AMN1: variants seen among roughly 807,000 people sequenced by gnomAD.
The protein encoded by AMN1 is antagonist of mitotic exit network 1 homolog.
Under a neutral mutation model 33.0 loss-of-function variants are expected in AMN1, and 20 were observed. The ratio of observed to expected loss-of-function variants is 0.61; its 90% CI spans 0.43 to 0.88. AMN1 has a LOEUF of 0.88. Ranked by LOEUF, AMN1 falls within the 40% of genes least tolerant of loss-of-function variation. The pLI is 0.00. For missense variants in AMN1, 246 were observed against 307.4 expected (o/e 0.80, Z 1.49); for synonymous variants, 114 against 111.9 (o/e 1.02, Z -0.12).
chr12:31,691,447 G>A (rs1938495908), intron 5 of AMN1, among the ~76,000 whole-genome samples: 1 of 151,674 alleles, frequency 6.6e-6, no homozygotes, highest in Non-Finnish European at 1.5e-5. Context: ...AACTTTTTAG[G>A]GTGATGAAAA....
chr12:31,692,822 T>G (rs991650314), intron 5 of AMN1, among the ~76,000 whole-genome samples: 4 of 152,148 alleles, frequency 2.6e-5, no homozygotes, highest in Non-Finnish European at 4.4e-5. Context: ...TAAATGAAAT[T>G]TTATACAGCA....
intron 1 of AMN1, among the ~76,000 whole-genome samples, chr12:31,727,330 C>A (rs943178771): frequency 1.3e-5 from 2 of 152,162 alleles, no homozygotes; most frequent in African/African-American, 4.8e-5. Context: ...CAACTTCTGC[C>A]TAATTCAAAT....
intron 1 of AMN1, among the ~76,000 whole-genome samples, chr12:31,721,210 A>G (rs189489046): frequency 5.3e-5 from 8 of 152,316 alleles, no homozygotes; most frequent in South Asian, 2.1e-4. Context: ...CGAAATTATC[A>G]AGGACCGTGG....
chr12:31,707,788 A>G (rs1366262415), intron 2 of AMN1, among the ~76,000 whole-genome samples: 4 of 152,192 alleles, frequency 2.6e-5, no homozygotes, highest in African/African-American at 9.6e-5. Context: ...CAATGGTAGA[A>G]GATGTTTTAG....
intron 2 of AMN1, among the ~76,000 whole-genome samples, chr12:31,707,033 T>C (rs372326945): frequency 1.3e-5 from 2 of 151,916 alleles, no homozygotes; most frequent in Non-Finnish European, 1.5e-5. Context: ...AAAAGGTGAA[T>C]TGGAAATATT....
chr12:31,684,850 A>G (rs1227876415), intron 6 of AMN1, among the ~76,000 whole-genome samples: 1 of 152,156 alleles, frequency 6.6e-6, no homozygotes, highest in African/African-American at 2.4e-5. Context: ...TATTATTTCA[A>G]TTACTGAAAC....
chr12:31,714,092 G>C (rs1939576731), intron 1 of AMN1, among the ~76,000 whole-genome samples: 2 of 151,992 alleles, frequency 1.3e-5, no homozygotes, highest in African/African-American at 4.8e-5. Flanking sequence ...AGCATGGAAA[G>C]CTTTTTTAAT....
chr12:31,677,436 TTTACA>T (rs1434284233), intron 6 of AMN1, among the ~76,000 whole-genome samples: 1 of 152,218 alleles, frequency 6.6e-6, no homozygotes, highest in Non-Finnish European at 1.5e-5. Flanking sequence ...GTTAAGCCAC[TTTACA>T]TTAAAGGCTC....
At chr12:31,713,888 C>G (rs1444167168) in intron 1 of AMN1, among the ~76,000 whole-genome samples, 2 of 151,994 alleles carry the variant, frequency 1.3e-5, no homozygotes, top group East Asian at 3.9e-4. Context: ...ATTAAAGCCA[C>G]TTTTATATAC....
intron 3 of AMN1, among the ~76,000 whole-genome samples, chr12:31,701,289 G>A (rs948592906): frequency 6.6e-6 from 1 of 151,758 alleles, no homozygotes; most frequent in Admixed American, 6.6e-5. Context: ...ATGAGCCACC[G>A]CACCTGGCCC....
chr12:31,700,153 TAA>T (rs751705879), intron 3 of AMN1, among the ~76,000 whole-genome samples: 21 of 133,650 alleles, frequency 1.6e-4, no homozygotes, highest in Non-Finnish European at 1.6e-4. Flanking sequence ...TTCTTATATT[TAA>T]AAAAAAAAAA....
At chr12:31,698,853 G>A (rs914329895) in intron 3 of AMN1, among the ~76,000 whole-genome samples, 9 of 151,920 alleles carry the variant, frequency 5.9e-5, no homozygotes, top group African/African-American at 1.5e-4. Flanking sequence ...ACAGAGCTCC[G>A]AAAAGCCTTA....
chr12:31,701,406 G>C lies in AMN1; in HGVS notation c.316+457C>G, dbSNP rs79948393. ...TACCTCCCAGGCTCAAGGGATTCTC[G>C]TGCCTCCACCTCCTAAGTAGCTGGG... On this transcript the variant is annotated intron_variant, in intron 3 of 6. Coordinates refer to ENST00000281471, the MANE Select transcript of AMN1 (RefSeq NM_001113402.2). 8.4e-3 allele frequency among the ~76,000 whole-genome samples: 1,272 copies of C among 151,318 alleles called. 17 individuals carry two copies. The highest frequency in any genetic ancestry group is 0.029 in the African/African-American group (1,200 of 41,232).
At chr12:31,706,724 G>T (rs1939257234) in intron 2 of AMN1, among the ~76,000 whole-genome samples, 1 of 152,116 alleles carries the variant, frequency 6.6e-6, no homozygotes, top group African/African-American at 2.4e-5. Flanking sequence ...GGGGCTCTCT[G>T]CCTTGGAGCT....
At chr12:31,681,714 T>C (rs766177022) in intron 6 of AMN1, among the ~76,000 whole-genome samples, 1 of 152,206 alleles carries the variant, frequency 6.6e-6, no homozygotes, top group Non-Finnish European at 1.5e-5. Context: ...CTATTATTAT[T>C]TTATTAGACA....
At chr12:31,679,849 G>T (rs1280082757) in intron 6 of AMN1, among the ~76,000 whole-genome samples, 2 of 152,104 alleles carry the variant, frequency 1.3e-5, no homozygotes, top group African/African-American at 2.4e-5. Flanking sequence ...TTTAGGACAG[G>T]CTTGGTGGCT....
chr12:31,701,855 AAAC>A lies in AMN1; in HGVS notation c.316+5_316+7del, dbSNP rs1487215928. The A allele has an allele frequency of 6.3e-7, 1 of 1,593,210 alleles. No individual in the cohort carries two copies. The highest frequency in any genetic ancestry group is 1.9e-5 in the Admixed American group (1 of 53,176). On this transcript the variant is annotated splice_donor_5th_base_variant and intron_variant, in intron 3 of 6. Coordinates refer to ENST00000281471, the MANE Select transcript of AMN1 (RefSeq NM_001113402.2). ...ATCTACCAATGTACTCAGTGTTAAT[AAAC>A]ATACCTTCTGAAGTTACAGAAACTC...
At position 31,692,463 on chromosome 12, in the gene AMN1, AC is replaced by A. The variant is rs576750540; in HGVS notation, c.592-3346del. ...TGAGACTCTGTCTCAAAAAAAAAAA[AC>A]AAACGAAAAAAAACATATTAAATTA... On this transcript the variant is annotated intron_variant, in intron 5 of 6. Transcript: ENST00000281471. Among the ~76,000 whole-genome samples, 851 of 145,850 alleles carry A rather than the reference AC, an allele frequency of 5.8e-3. 7 individuals are homozygous for A. The highest frequency in any genetic ancestry group is 0.02 in the African/African-American group (796 of 39,882).
intron 2 of AMN1, among the ~76,000 whole-genome samples, chr12:31,702,869 TGG>T (rs35809598): frequency 2.0e-4 from 30 of 152,184 alleles, no homozygotes; most frequent in Admixed American, 2.0e-3. Flanking sequence ...TCCCAGTAGC[TGG>T]GATTACAGGC....
Sources: allele counts gnomAD v4.1 joint callset (sites outside exome capture counted in the v4.1 genomes callset), GRCh38; gene constraint gnomAD v4.1.1; transcripts MANE v1.5; gene names NCBI Gene and HGNC (gene_info 2026-07-23, HGNC 2026-07-21).